The following TRPM8 variants were observed in gnomAD, a reference collection of about 807,000 sequenced individuals.
The protein encoded by TRPM8 is transient receptor potential cation channel subfamily M member 8.
Under a neutral mutation model 133.7 loss-of-function variants are expected in TRPM8, and 110 were observed. The ratio of observed to expected loss-of-function variants is 0.82; its 90% CI spans 0.70 to 0.96. The LOEUF (loss-of-function observed/expected upper bound fraction) is 0.96. TRPM8 is among the 40% of genes least tolerant of loss of function. The probability of loss-of-function intolerance (pLI) is 0.00; values close to 1 mark genes in which losing one functional copy is unlikely to be tolerated. For synonymous variants in TRPM8, 535 were observed against 532.3 expected, an observed-to-expected ratio of 1.01 and a Z score of -0.07; for missense variants, 1,291 against 1,379.5, an observed-to-expected ratio of 0.94 and a Z score of 1.02.
chr2:234,014,596 C>A lies in TRPM8; in HGVS notation c.3299C>A (p.Ala1100Asp). ...NDLKGLLKEI[A>D]NKIK ...CTCAAGGGTCTTCTGAAAGAGATTG[C>A]TAATAAAATCAAATAAAACTGTATG... is the stretch of plus-strand genomic sequence containing the variant. The change falls in exon 25 of 26, where the codon GCT (alanine) becomes GAT (aspartate). Residue 1100 changes from alanine to aspartate, a missense_variant. By Grantham distance (126) the Ala-to-Asp change is moderately radical. Around this residue, in one of 2 missense-constraint regions of TRPM8, gnomAD observed 328 missense variants for 410.6 expected, o/e 0.80. Transcript: ENST00000324695. 1 of 1,546,726 alleles carries A rather than the reference C, an allele frequency of 6.5e-7. No homozygotes were observed. The highest frequency in any genetic ancestry group is 8.7e-7 in the Non-Finnish European group (1 of 1,146,792).
Position 233,984,638 on chromosome 2 carries a change from C to T in TRPM8, c.2762-1050C>T, listed in dbSNP as rs137950699. ...GTGAGCCATCCTCGTCGCTTGCCTG[C>T]CTGAGTCTTAGGCACAACCTCCTCA... is the stretch of plus-strand genomic sequence containing the variant. On this transcript the variant is annotated intron_variant, in intron 20 of 25. Transcript: ENST00000324695. 2.9e-4 allele frequency among the ~76,000 whole-genome samples: 44 copies of T among 152,292 alleles called. 1 individual carries two copies. In the East Asian group the frequency reaches 8.3e-3, roughly 29 times the overall value.
intron 12 of TRPM8, among the ~76,000 whole-genome samples, 160 bp from the exon 13 acceptor site, chr2:233,963,122 C>T (rs1366894852): frequency 6.6e-6 from 1 of 152,116 alleles, no homozygotes; most frequent in Non-Finnish European, 1.5e-5. Flanking sequence ...AATTAGACCA[C>T]CCAATGAGTT....
At chr2:233,953,747 T>C (rs1574718645) in intron 9 of TRPM8, 170 bp from the exon 10 acceptor site, 2 of 553,314 alleles carry the variant, frequency 3.6e-6, no homozygotes, top group Non-Finnish European at 6.5e-6. Context: ...GTATAACCAA[T>C]ACTTTATTCT....
chr2:234,009,915 C>A (rs76469963), intron 24 of TRPM8, among the ~76,000 whole-genome samples: 1 of 152,036 alleles, frequency 6.6e-6, no homozygotes, highest in Non-Finnish European at 1.5e-5. Flanking sequence ...TCACTACAAC[C>A]GAGCCCAGCT....
At chr2:233,940,284 GTT>G (rs397736139) in intron 5 of TRPM8, among the ~76,000 whole-genome samples, 10 of 137,338 alleles carry the variant, frequency 7.3e-5, no homozygotes, top group African/African-American at 2.1e-4. Context: ...CTAGACATGG[GTT>G]TTTTTTTTTT....
chr2:233,925,711 G>C (rs1691500757), intron 1 of TRPM8, among the ~76,000 whole-genome samples: 1 of 152,126 alleles, frequency 6.6e-6, no homozygotes, highest in Non-Finnish European at 1.5e-5. Flanking sequence ...AGGGGACTCA[G>C]GGAGACACGG....
chr2:233,928,163 G>T (rs1224345914), intron 2 of TRPM8, among the ~76,000 whole-genome samples: 1 of 151,590 alleles, frequency 6.6e-6, no homozygotes, highest in Non-Finnish European at 1.5e-5. Flanking sequence ...TAGAGACGGG[G>T]TTTCACTGTG....
intron 24 of TRPM8, among the ~76,000 whole-genome samples, chr2:234,008,973 A>G (rs1692764396): frequency 6.6e-6 from 1 of 152,236 alleles, no homozygotes; most frequent in South Asian, 2.1e-4. Context: ...AGTCTAGAGA[A>G]CGATGGGTTG....
chr2:233,985,732 T>G lies in TRPM8; in HGVS notation c.2806T>G (p.Ser936Ala). 1 of 1,614,058 alleles carries G rather than the reference T, an allele frequency of 6.2e-7. No individual in the cohort carries two copies. Among genetic ancestry groups the G allele is most frequent in the Non-Finnish European group, 8.5e-7 (1 of 1,180,016 alleles). The change falls in exon 21 of 26, where the codon TCC (serine) becomes GCC (alanine). Residue 936 changes from serine (S) to alanine (A), a missense_variant. Around this residue, in one of 2 missense-constraint regions of TRPM8, gnomAD observed 328 missense variants for 410.6 expected, o/e 0.80. Transcript: ENST00000324695. ...CCACTGCACCTTCACTGGGAATGAG[T>G]CCAAGCCACTGTGTGTGGAGCTGGA... ...FAHCTFTGNE[S>A]KPLCVELDEH...
chr2:233,996,531 C>T lies in TRPM8; in HGVS notation c.3130+15C>T, dbSNP rs1196397135. The stretch of plus-strand genomic sequence containing the variant: ...TTCTGTCTGCTGTGAGTGGTTTATC[C>T]ATGTGTACTTGGGATCAGAAGCAGC... On this transcript the variant is annotated intron_variant, in intron 22 of 25. Transcript: ENST00000324695. The T allele has an allele frequency of 4.3e-6, 7 of 1,612,642 alleles. No homozygotes were observed. Among genetic ancestry groups the T allele is most frequent in the Non-Finnish European group, 5.9e-6 (7 of 1,178,778 alleles).
chr2:233,926,698 C>G (rs1276237186), intron 2 of TRPM8, 44 bp downstream of exon 2: 1 of 1,455,270 alleles, frequency 6.9e-7, no homozygotes, highest in African/African-American at 1.4e-5. Context: ...TCATTGTAAC[C>G]TTCGTAAGCC....
chr2:233,926,425 C>G, intron 1 of TRPM8, 108 bp from the exon 2 acceptor site: 3 of 799,534 alleles, frequency 3.8e-6, no homozygotes, highest in Non-Finnish European at 6.5e-6. Context: ...GGACATTGCA[C>G]GTGGCAAAGG....
chr2:233,976,620 G>T (rs909574824), intron 17 of TRPM8, among the ~76,000 whole-genome samples: 1 of 152,114 alleles, frequency 6.6e-6, no homozygotes, highest in Non-Finnish European at 1.5e-5. Context: ...ATGGGGGGAT[G>T]CTTACTAAGT....
In TRPM8 at chr2:233,939,025, G is replaced by A. The variant is rs748862061; in HGVS notation, c.376G>A (p.Ala126Thr). ...KYIRLSCDTDAEILYELLTQH... is the reference protein window; with the variant it reads ...KYIRLSCDTDTEILYELLTQH... ...TATACGTCTGTCCTGCGACACGGAC[G>A]CGGAAATCCTTTACGAGCTGCTGAC... The change falls in exon 5 of 26, where the codon GCG (alanine) becomes ACG (threonine). Residue 126 changes from alanine (A) to threonine (T), a missense_variant. Ala to Thr is a moderately conservative substitution (Grantham distance 58). Around this residue, in one of 2 missense-constraint regions of TRPM8, gnomAD observed 963 missense variants for 968.9 expected, o/e 0.99. Coordinates refer to ENST00000324695, the MANE Select transcript of TRPM8 (RefSeq NM_024080.5). 1.9e-6 allele frequency: 3 copies of A among 1,614,158 alleles called. No homozygotes were observed. The highest frequency in any genetic ancestry group is 2.2e-5 in the South Asian group (2 of 91,080).
chr2:233,961,133 C>A, intron 12 of TRPM8, 67 bp downstream of exon 12: 1 of 1,478,032 alleles, frequency 6.8e-7, no homozygotes, highest in South Asian at 1.3e-5. Context: ...TAAGATATCT[C>A]CATTTTCCCT....
At chr2:233,954,912 T>C in intron 10 of TRPM8, 1 of 440,788 alleles carries the variant, frequency 2.3e-6, no homozygotes, top group Non-Finnish European at 4.1e-6. Context: ...GGAAAAACAT[T>C]ACTGTAGCCT....
chr2:234,017,940 C>A lies in TRPM8; in HGVS notation c.*684C>A, dbSNP rs1692997064. The A allele has an allele frequency of 6.6e-6, 1 of 151,682 alleles. No individual in the cohort carries two copies. The highest frequency in any genetic ancestry group is 2.4e-5 in the African/African-American group (1 of 41,250). 9.4% of individuals were successfully genotyped at this position (151,682 alleles called of 1,614,324 possible). ...ATGTGAAAAGTCGCCCAAAATGCAA[C>A]CTTGAAAGGCACTACTGACTTTGTT... On this transcript the variant is annotated 3_prime_UTR_variant, in exon 26 of 26. Transcript: ENST00000324695.
intron 15 of TRPM8, among the ~76,000 whole-genome samples, chr2:233,967,741 C>T (rs1691611054): frequency 6.6e-6 from 1 of 152,112 alleles, no homozygotes. Flanking sequence ...TGCTATTGCT[C>T]AGTTTTAGCC....
chr2:233,958,892 C>T (rs143468765), intron 11 of TRPM8, among the ~76,000 whole-genome samples: 14 of 152,138 alleles, frequency 9.2e-5, no homozygotes, highest in East Asian at 1.9e-4. Flanking sequence ...GTAAGTGGGC[C>T]GGTGGGTCCC....
Sources: gnomAD v4.1 joint callset for allele counts (sites outside exome capture counted in the v4.1 genomes callset) on GRCh38, gnomAD v4.1.1 for gene constraint, gnomAD v4.1.1 regional missense constraint, MANE v1.5 for transcripts, NCBI Gene and HGNC (gene_info 2026-07-23, HGNC 2026-07-21) for gene names.